Variants in NECAB2 observed in about 807,000 individuals in gnomAD.
NECAB2 encodes N-terminal EF-hand calcium binding protein 2, also known as N-terminal EF-hand calcium-binding protein 2.
Under a neutral mutation model 51.9 loss-of-function variants are expected in NECAB2, and 68 were observed. The observed-to-expected ratio is 1.31, with a 90% CI of 1.08 to 1.60. The LOEUF is 1.60. Among genes scored for constraint, NECAB2 ranks in the 40% most tolerant of loss-of-function variants. NECAB2 has a pLI of 0.00. For missense variants in NECAB2, 854 were observed against 490.3 expected (o/e 1.74, Z -7.00); for synonymous variants, 329 against 203.5 (o/e 1.62, Z -5.25).
chr16:83,980,091 G>C lies in NECAB2; in HGVS notation c.336-748G>C, dbSNP rs1377290568. The stretch of plus-strand genomic sequence containing the variant: ...TCCAGATGTGCTTTGCTGAGCCTGG[G>C]CTCCACTGAGCACGATGAGGGACCT... On this transcript the variant is annotated intron_variant, in intron 3 of 12. Coordinates refer to ENST00000305202, the MANE Select transcript of NECAB2 (RefSeq NM_019065.3). Among the ~76,000 whole-genome samples the C allele has an allele frequency of 3.9e-5, 6 of 152,332 alleles. No homozygotes were observed. In the South Asian group the frequency reaches 1.2e-3, roughly 32 times the overall value.
At chr16:83,987,208 A>G (rs2151092974) in intron 5 of NECAB2, among the ~76,000 whole-genome samples, 1 of 152,324 alleles carries the variant, frequency 6.6e-6, no homozygotes, top group African/African-American at 2.4e-5. Flanking sequence ...GAAACCCAAG[A>G]GTCATTTTTG....
intron 2 of NECAB2, among the ~76,000 whole-genome samples, chr16:83,975,105 TGA>T (rs1247349742): frequency 9.3e-6 from 1 of 106,972 alleles, no homozygotes; most frequent in African/African-American, 3.5e-5. Context: ...TGTGCAGGGA[TGA>T]GAGCAGGTGT....
At chr16:83,979,805 A>G (rs1400000410) in intron 3 of NECAB2, among the ~76,000 whole-genome samples, 1 of 152,078 alleles carries the variant, frequency 6.6e-6, no homozygotes, top group Non-Finnish European at 1.5e-5. Flanking sequence ...CTCTATAAAG[A>G]CTTTTAGGAT....
intron 8 of NECAB2, among the ~76,000 whole-genome samples, chr16:83,995,685 C>G (rs1015417872): frequency 6.6e-6 from 1 of 152,064 alleles, no homozygotes; most frequent in Admixed American, 6.6e-5. Context: ...GGTATTGCTA[C>G]TTTTAGTTTG....
In NECAB2 at chr16:83,977,275, C is replaced by G. The variant is rs535921497; in HGVS notation, c.227-1169C>G. Among the ~76,000 whole-genome samples, 7 of 152,214 alleles carry G rather than the reference C, an allele frequency of 4.6e-5. No individual in the cohort carries two copies. The South Asian group carries it at 1.5e-3, about 32-fold the overall frequency. ...GACCTCCATGCCACTCACATAGTTT[C>G]TCTTAAGGAGGAACAGATCCTTGAG... is the stretch of plus-strand genomic sequence containing the variant. On this transcript the variant is annotated intron_variant, in intron 2 of 12. Coordinates refer to ENST00000305202, the MANE Select transcript of NECAB2 (RefSeq NM_019065.3).
chr16:83,965,500 C>A, upstream of NECAB2: 1 of 1,611,706 alleles, frequency 6.2e-7, no homozygotes, highest in Non-Finnish European at 8.5e-7. Context: ...ACTACAACAT[C>A]CCGGTGATCC....
chr16:83,980,377 G>A (rs559135713), intron 3 of NECAB2, among the ~76,000 whole-genome samples: 2 of 152,128 alleles, frequency 1.3e-5, no homozygotes, highest in Non-Finnish European at 2.9e-5. Flanking sequence ...TGTAGGAATG[G>A]GGATATGGGA....
At chr16:83,971,133 G>C (rs1341107229) in intron 1 of NECAB2, among the ~76,000 whole-genome samples, 4 of 152,088 alleles carry the variant, frequency 2.6e-5, no homozygotes, top group Non-Finnish European at 5.9e-5. Context: ...AGTCCCCGTG[G>C]GAACTGGTTA....
At chr16:83,984,732 A>C (rs2084531022) in intron 5 of NECAB2, among the ~76,000 whole-genome samples, 1 of 152,194 alleles carries the variant, frequency 6.6e-6, no homozygotes, top group African/African-American at 2.4e-5. Flanking sequence ...CTGTCTCTCA[A>C]AAATAAAAAA....
intron 9 of NECAB2, among the ~76,000 whole-genome samples, chr16:83,997,479 CTTTTTTTTTTTTTTTT>C (rs11296947): frequency 3.8e-5 from 2 of 53,230 alleles, no homozygotes; most frequent in Non-Finnish European, 6.5e-5. Flanking sequence ...CTCCCTGGAC[CTTTTTTTTTTTTTTTT>C]TTTTTTTTTT....
chr16:83,987,417 T>C lies in NECAB2; in HGVS notation c.460-3077T>C, dbSNP rs541600574. Among the ~76,000 whole-genome samples, 3 of 152,340 alleles carry C rather than the reference T, an allele frequency of 2.0e-5. No individual in the cohort carries two copies. In the East Asian group the frequency reaches 5.8e-4, roughly 29 times the overall value. On this transcript the variant is annotated intron_variant, in intron 5 of 12. Transcript: ENST00000305202. ...GTTGTTTGACGCATATAGACTTTTG[T>C]TACAGTACTTCTGTTATATAATGGT...
upstream of NECAB2, chr16:83,965,454 G>T (rs1310974616): frequency 6.3e-7 from 1 of 1,599,824 alleles, no homozygotes; most frequent in African/African-American, 1.3e-5. Context: ...ATTGGCGCGG[G>T]GCTGTCAGCG....
chr16:83,990,400 C>G, intron 5 of NECAB2, 94 bp from the exon 6 acceptor site: 1 of 1,498,126 alleles, frequency 6.7e-7, no homozygotes, highest in Non-Finnish European at 9.1e-7. Context: ...GCAAATTCAC[C>G]AGCACCAGCT....
Position 83,994,316 on chromosome 16 carries a change from A to C in NECAB2, c.611A>C (p.Lys204Thr). 6.2e-7 allele frequency: 1 copy of C among 1,614,196 alleles called. No individual in the cohort carries two copies. Residue 204 changes from lysine (K) to threonine (T), a missense_variant, in exon 7 of 13, where the codon AAA (lysine) becomes ACA (threonine). Lys to Thr is a moderately conservative substitution (Grantham distance 78, BLOSUM62 -1). Coordinates refer to ENST00000305202, the MANE Select transcript of NECAB2 (RefSeq NM_019065.3). ...QTSQLRQNHI[K>T]PSHSAAQTWC... Reference sequence around the variant, plus strand: ...CCAAACTGCAGACAGAACCACATCAAACCCAGCCACAGCGCGGCACAGACC... The same window carrying C: ...CCAAACTGCAGACAGAACCACATCACACCCAGCCACAGCGCGGCACAGACC...
At chr16:83,999,751 C>T (rs1453428399) in intron 10 of NECAB2, among the ~76,000 whole-genome samples, 1 of 152,050 alleles carries the variant, frequency 6.6e-6, no homozygotes, top group African/African-American at 2.4e-5. Flanking sequence ...TCCTCTGTGG[C>T]CCAGCACCCC....
intron 8 of NECAB2, among the ~76,000 whole-genome samples, 154 bp from the exon 9 acceptor site, chr16:83,997,062 G>A (rs2084712902): frequency 6.6e-6 from 1 of 152,060 alleles, no homozygotes; most frequent in African/African-American, 2.4e-5. Context: ...GCCAGAGGGA[G>A]TCTCTGCCAC....
chr16:83,995,876 G>C (rs910685198), intron 8 of NECAB2, among the ~76,000 whole-genome samples: 3 of 152,286 alleles, frequency 2.0e-5, no homozygotes, highest in Non-Finnish European at 2.9e-5. Context: ...AGGGGACCCC[G>C]TGGCCCGGTT....
At position 83,997,396 on chromosome 16, in the gene NECAB2, G is replaced by A. The variant is rs533140641; in HGVS notation, c.849+127G>A. The A allele has an allele frequency of 1.7e-3, 2,110 of 1,221,288 alleles. 5 individuals carry two copies. Among genetic ancestry groups the A allele is most frequent in the Non-Finnish European group, 2.3e-3 (1,974 of 865,612 alleles). 75.7% of individuals were successfully genotyped at this position (1,221,288 alleles called of 1,614,324 possible). ...TGGGACCACCAGGAGGGGAGATGTC[G>A]CCCAGCGCTTGGCACCCAGACCCTG... On this transcript the variant is annotated intron_variant, in intron 9 of 12. Coordinates refer to ENST00000305202, the MANE Select transcript of NECAB2 (RefSeq NM_019065.3).
intron 5 of NECAB2, among the ~76,000 whole-genome samples, chr16:83,983,883 G>T (rs1227968527): frequency 2.0e-5 from 3 of 151,860 alleles, no homozygotes; most frequent in Admixed American, 2.0e-4. Context: ...ATAACGCTTG[G>T]GTCTCAGTGT....
Sources: gnomAD v4.1 joint callset for allele counts (sites outside exome capture counted in the v4.1 genomes callset) on GRCh38, gnomAD v4.1.1 for gene constraint, MANE v1.5 for transcripts, NCBI Gene and HGNC (gene_info 2026-07-23, HGNC 2026-07-21) for gene names.